NCAPD3: variants seen among roughly 807,000 people sequenced by gnomAD.
NCAPD3 encodes non-SMC condensin II complex subunit D3.
Under a neutral mutation model 182.9 loss-of-function variants are expected in NCAPD3, and 105 were observed. That is an observed-to-expected ratio of 0.57 (90% CI 0.49 to 0.68). NCAPD3 has a LOEUF of 0.68. Among genes scored for constraint, NCAPD3 ranks in the 30% least tolerant of loss-of-function variants. NCAPD3 has a pLI of 0.00. For synonymous variants in NCAPD3, 815 were observed against 679.9 expected (o/e 1.20, Z -3.09); for missense variants, 1,944 against 1,837.0 (o/e 1.06, Z -1.07).
At chr11:134,182,287 T>G (rs1373705385) in intron 19 of NCAPD3, among the ~76,000 whole-genome samples, 1 of 152,232 alleles carries the variant, frequency 6.6e-6, no homozygotes, top group Non-Finnish European at 1.5e-5. Context: ...ACAGGGGACA[T>G]GCTCTGGGGC....
intron 16 of NCAPD3, among the ~76,000 whole-genome samples, chr11:134,191,567 G>T (rs1944524847): frequency 6.6e-6 from 1 of 152,102 alleles, no homozygotes; most frequent in Admixed American, 6.5e-5. Flanking sequence ...GCTGTAGAAG[G>T]CCTCTCCTGC....
chr11:134,224,199 T>G, upstream of NCAPD3: 2 of 552,188 alleles, frequency 3.6e-6, no homozygotes, highest in Non-Finnish European at 6.4e-6. Context: ...AGTTAAACCC[T>G]AACAGCGTTT....
intron 8 of NCAPD3, among the ~76,000 whole-genome samples, 156 bp downstream of exon 8, chr11:134,206,443 A>G (rs887783026): frequency 1.3e-5 from 2 of 152,208 alleles, no homozygotes; most frequent in Admixed American, 6.5e-5. Context: ...AGACCCAGAC[A>G]CATAAAGCAC....
At chr11:134,202,423 G>A (rs939219335) in intron 13 of NCAPD3, among the ~76,000 whole-genome samples, 5 of 152,202 alleles carry the variant, frequency 3.3e-5, no homozygotes, top group Non-Finnish European at 7.3e-5. Flanking sequence ...TGTCGCCCAG[G>A]CTGGAGTACA....
rs936160291 is a variant in NCAPD3 at position 134,151,520 on chromosome 11, T to TAG, written c.*1422_*1423dup. The TAG allele has an allele frequency of 6.6e-6, 1 of 152,066 alleles. No individual in the cohort carries two copies. Among genetic ancestry groups the TAG allele is most frequent in the Admixed American group, 6.6e-5 (1 of 15,266 alleles). The allele number at this position is 152,066 out of a possible 1,614,324, so 9.4% of individuals were successfully genotyped here. A position where few individuals can be genotyped will look rare whatever the true frequency, so the allele number is the denominator to read the frequency against. ...GCCATGGGAACCAGGTCTGAAAAAG[T>TAG]AGAGAGAAGTGAAAGTAGAGTCTGG... On this transcript the variant is annotated 3_prime_UTR_variant, in exon 35 of 35. Transcript: ENST00000534548.
At chr11:134,179,553 T>C (rs183147379) in intron 20 of NCAPD3, among the ~76,000 whole-genome samples, 2 of 152,380 alleles carry the variant, frequency 1.3e-5, no homozygotes, top group East Asian at 3.9e-4. Context: ...ATGTTTCGAT[T>C]AGCTCTGGTG....
intron 3 of NCAPD3, among the ~76,000 whole-genome samples, chr11:134,215,274 G>A (rs2136027085): frequency 6.6e-6 from 1 of 152,266 alleles, no homozygotes; most frequent in East Asian, 1.9e-4. Flanking sequence ...AATAGACAAG[G>A]ATCCCCACGC....
intron 2 of NCAPD3, among the ~76,000 whole-genome samples, chr11:134,219,589 T>G (rs537538689): frequency 1.1e-4 from 17 of 151,930 alleles, no homozygotes; most frequent in South Asian, 8.3e-4. Flanking sequence ...TGGAAGTGAA[T>G]TTTTTTTTGT....
chr11:134,177,571 C>A, intron 22 of NCAPD3, 114 bp from the exon 23 acceptor site: 2 of 885,434 alleles, frequency 2.3e-6, no homozygotes, highest in Non-Finnish European at 1.7e-6. Flanking sequence ...GTTAAAACAT[C>A]ATGCCCACAA....
chr11:134,161,665 T>A, intron 28 of NCAPD3, 116 bp downstream of exon 28: 1 of 695,380 alleles, frequency 1.4e-6, no homozygotes, highest in Non-Finnish European at 2.5e-6. Context: ...ATGTTGGGTT[T>A]GCAGAATTTG....
intron 23 of NCAPD3, 129 bp from the exon 24 acceptor site, chr11:134,176,515 C>A (rs766995852): frequency 2.3e-4 from 168 of 719,874 alleles, no homozygotes; most frequent in Middle Eastern, 1.7e-3. Context: ...CACACACTTC[C>A]AAACCGTCGG....
intron 19 of NCAPD3, among the ~76,000 whole-genome samples, chr11:134,183,644 T>A (rs1944342268): frequency 6.6e-6 from 1 of 152,186 alleles, no homozygotes; most frequent in Non-Finnish European, 1.5e-5. Context: ...ATAATGCAAG[T>A]ATCCCTTTCA....
chr11:134,202,202 CTCT>C (rs1401493528), intron 13 of NCAPD3, among the ~76,000 whole-genome samples: 2 of 152,180 alleles, frequency 1.3e-5, no homozygotes, highest in Admixed American at 6.5e-5. Flanking sequence ...CTCTTTCTCT[CTCT>C]TATCTGTGTC....
Position 134,209,157 on chromosome 11 carries a change from A to C in NCAPD3, c.782T>G (p.Val261Gly). The C allele has an allele frequency of 6.2e-7, 1 of 1,613,564 alleles. No homozygotes were observed. ...NFEPVLHECH[V>G]TQARALNQAK... ...TTTAATGGCTCACCTGGCTTGTGTAACATGACATTCATGAAGAACTGGCTC... is the reference window on the plus strand; with the variant it reads ...TTTAATGGCTCACCTGGCTTGTGTACCATGACATTCATGAAGAACTGGCTC... The change falls in exon 6 of 35, where the codon GTT becomes GGT. Residue 261 changes from valine to glycine, a missense_variant. Around this residue, in one of 3 missense-constraint regions of NCAPD3, gnomAD observed 1,803 missense variants for 1,674.6 expected, o/e 1.08. Coordinates refer to ENST00000534548, the MANE Select transcript of NCAPD3 (RefSeq NM_015261.3).
In NCAPD3 at chr11:134,151,214, A is replaced by C. The variant is rs1180938858; in HGVS notation, c.*1730T>G. 6.6e-6 allele frequency: 1 copy of C among 151,994 alleles called. No homozygotes were observed. Among genetic ancestry groups the C allele is most frequent in the Non-Finnish European group, 1.5e-5 (1 of 68,000 alleles). 9.4% of individuals were successfully genotyped at this position (151,994 alleles called of 1,614,324 possible). On this transcript the variant is annotated 3_prime_UTR_variant, in exon 35 of 35. Coordinates refer to ENST00000534548, the MANE Select transcript of NCAPD3 (RefSeq NM_015261.3). The stretch of plus-strand genomic sequence containing the variant: ...GCTTTTTTTTAATTGCATACATGAG[A>C]CTGTGTTGACTTTTTTTAGTTATGT...
At chr11:134,177,659 C>A in intron 22 of NCAPD3, 2 of 587,240 alleles carry the variant, frequency 3.4e-6, no homozygotes, top group Non-Finnish European at 6.1e-6. Flanking sequence ...GAAATAAACT[C>A]CCCAGGAGTT....
chr11:134,162,717 C>T (rs1943622835), intron 27 of NCAPD3, among the ~76,000 whole-genome samples: 1 of 152,192 alleles, frequency 6.6e-6, no homozygotes, highest in African/African-American at 2.4e-5. Context: ...CAGGAATAGT[C>T]TTAAGAAGTG....
At chr11:134,195,446 T>G (rs1415394190) in intron 13 of NCAPD3, among the ~76,000 whole-genome samples, 1 of 152,166 alleles carries the variant, frequency 6.6e-6, no homozygotes, top group Admixed American at 6.5e-5. Flanking sequence ...CCTAAAGAGA[T>G]TATATCTTTT....
In NCAPD3 at chr11:134,176,302, T is replaced by C. The variant is rs762463983; in HGVS notation, c.3101+5A>G. 1 of 1,612,838 alleles carries C rather than the reference T, an allele frequency of 6.2e-7. No individual in the cohort carries two copies. Among genetic ancestry groups the C allele is most frequent in the Non-Finnish European group, 8.5e-7 (1 of 1,178,888 alleles). On this transcript the variant is annotated splice_donor_5th_base_variant and intron_variant, in intron 24 of 34. Transcript: ENST00000534548. The stretch of plus-strand genomic sequence containing the variant: ...TGAGTCGTCTGACGTGAGGAAAAGA[T>C]TTACCTGGCAATGTCTGGGTGTGAA...
Sources: gnomAD v4.1 joint callset for allele counts (sites outside exome capture counted in the v4.1 genomes callset) on GRCh38, gnomAD v4.1.1 for gene constraint, gnomAD v4.1.1 regional missense constraint, MANE v1.5 for transcripts, NCBI Gene and HGNC (gene_info 2026-07-23, HGNC 2026-07-21) for gene names.